RDX: variants seen among roughly 807,000 people sequenced by gnomAD.
RDX encodes the protein deafness, autosomal recessive 24.
A neutral mutation model predicts 83.7 loss-of-function variants in RDX; 32 were observed. The ratio of observed to expected loss-of-function variants is 0.38; its 90% CI spans 0.29 to 0.51. The LOEUF is 0.51. Among genes scored for constraint, RDX ranks in the 20% least tolerant of loss-of-function variants. RDX has a pLI of 0.87. For synonymous variants in RDX, 229 were observed against 222.7 expected (o/e 1.03, Z -0.25); for missense variants, 600 against 689.9 (o/e 0.87, Z 1.46).
chr11:110,177,967 G>A (rs544653060), intron 15 of RDX, among the ~76,000 whole-genome samples: 1 of 152,050 alleles, frequency 6.6e-6, no homozygotes, highest in East Asian at 1.9e-4. Context: ...CTGCCTCTCT[G>A]ATCAGGCCAG....
chr11:110,202,595 CTTTT>C (rs58793509), intron 14 of RDX, among the ~76,000 whole-genome samples: 8 of 121,276 alleles, frequency 6.6e-5, no homozygotes, highest in Non-Finnish European at 8.9e-5. Context: ...ATTTTTCTTT[CTTTT>C]TTTTTTTTTT....
chr11:110,226,655 AAAAG>A (rs1346694258), downstream of RDX, among the ~76,000 whole-genome samples: 12 of 152,220 alleles, frequency 7.9e-5, no homozygotes, highest in Admixed American at 6.5e-4. Context: ...CCATGATAAA[AAAAG>A]ATTCAACTGT....
Position 110,222,778 on chromosome 11 carries a change from C to T in RDX, c.1748+9095G>A, listed in dbSNP as rs986649748. Among the ~76,000 whole-genome samples, 9 of 151,896 alleles carry T rather than the reference C, an allele frequency of 5.9e-5. No individual in the cohort carries two copies. In the East Asian group the frequency reaches 1.4e-3, roughly 23 times the overall value. The stretch of plus-strand genomic sequence containing the variant: ...TCCACTGCACTCCATCCAGCCTGGG[C>T]GACAGAGCCAGACTCCCAACTCAAA... On this transcript the variant is annotated intron_variant, in intron 14 of 15. Transcript: ENST00000528498.
chr11:110,262,166 T>A (rs1260926775), intron 5 of RDX, among the ~76,000 whole-genome samples: 1 of 152,192 alleles, frequency 6.6e-6, no homozygotes, highest in African/African-American at 2.4e-5. Flanking sequence ...AAAACCAGAA[T>A]ATAAACAGAC....
intron 3 of RDX, among the ~76,000 whole-genome samples, chr11:110,267,550 A>G (rs1860102286): frequency 6.6e-6 from 1 of 151,628 alleles, no homozygotes; most frequent in African/African-American, 2.4e-5. Flanking sequence ...ACACACACAC[A>G]CACACACACA....
At chr11:110,207,646 G>A (rs547087234) in intron 14 of RDX, among the ~76,000 whole-genome samples, 14 of 152,010 alleles carry the variant, frequency 9.2e-5, no homozygotes, top group Middle Eastern at 3.4e-3. Flanking sequence ...ATCAGAGGAA[G>A]AATATTTTGT....
At chr11:110,246,749 C>CA (rs58535261) in intron 10 of RDX, among the ~76,000 whole-genome samples, 137,532 of 139,958 alleles carry the variant, frequency 0.98, 67,592 homozygotes, top group South Asian at 0.99. Context: ...GACTGTGTCT[C>CA]AAAAAAAAAA....
chr11:110,200,300 T>C (rs1044308251), intron 14 of RDX: 1 of 152,720 alleles, frequency 6.5e-6, no homozygotes, highest in Non-Finnish European at 1.5e-5. Context: ...CACGTTGGCA[T>C]TGCCGGAATT....
chr11:110,199,369 A>AT (rs1863316144), intron 15 of RDX, among the ~76,000 whole-genome samples: 1 of 152,218 alleles, frequency 6.6e-6, no homozygotes, highest in Non-Finnish European at 1.5e-5. Context: ...CAAGAGATGC[A>AT]AACTATTGGG....
chr11:110,256,481 T>C (rs568151402), intron 7 of RDX, among the ~76,000 whole-genome samples: 2 of 152,264 alleles, frequency 1.3e-5, no homozygotes, highest in East Asian at 3.9e-4. Context: ...CCTCATATAA[T>C]TCTCATAACA....
At chr11:110,255,233 G>A (rs1273811278) in intron 8 of RDX, 56 bp downstream of exon 8, 2 of 910,314 alleles carry the variant, frequency 2.2e-6, no homozygotes, top group African/African-American at 3.3e-5. Flanking sequence ...GTGATATCAT[G>A]GGAAACTAGC....
At position 110,264,164 on chromosome 11, in the gene RDX, T is replaced by C. The variant is rs1859926359; in HGVS notation, c.263A>G (p.Asp88Gly). The C allele has an allele frequency of 3.1e-6, 5 of 1,611,702 alleles. No individual in the cohort carries two copies. The highest frequency in any genetic ancestry group is 1.1e-5 in the South Asian group (1 of 91,016). Residue 88 changes from aspartate to glycine, a missense_variant, in exon 5 of 14, where the codon GAT becomes GGT. Physicochemically the swap from Asp to Gly is moderately conservative, Grantham distance 94 (BLOSUM62 -1). Coordinates refer to ENST00000645495, the MANE Select transcript of RDX (RefSeq NM_002906.4). ...TTCTTGAATTAATTCCTCAGAAACA[T>C]CTTCAGGAAAGAATTTAGCTCTAAA... ...FKFRAKFFPE[D>G]VSEELIQEIT...
At chr11:110,179,878 C>G in intron 15 of RDX, 1 of 418,874 alleles carries the variant, frequency 2.4e-6, no homozygotes, top group Non-Finnish European at 4.6e-6. Flanking sequence ...GGACTTTGTT[C>G]TTTTTCTTTT....
intron 1 of RDX, among the ~76,000 whole-genome samples, chr11:110,296,188 G>A (rs1861449909): frequency 6.6e-6 from 1 of 152,172 alleles, no homozygotes; most frequent in Admixed American, 6.5e-5. Context: ...TCCCGCGGCG[G>A]CGAAGGTCGA....
intron 10 of RDX, among the ~76,000 whole-genome samples, chr11:110,246,130 T>A (rs1859096762): frequency 6.6e-6 from 1 of 152,128 alleles, no homozygotes; most frequent in African/African-American, 2.4e-5. Flanking sequence ...TCCTGAATTT[T>A]AGCAATCCTC....
intron 1 of RDX, 46 bp downstream of exon 1, chr11:110,296,421 G>A (rs989688706): frequency 1.3e-5 from 2 of 151,612 alleles, no homozygotes; most frequent in African/African-American, 4.8e-5. Flanking sequence ...CGTCTCCGGA[G>A]GAACCGGGAG....
chr11:110,201,180 A>G, intron 14 of RDX, among the ~76,000 whole-genome samples: 1 of 141,746 alleles, frequency 7.1e-6, no homozygotes. Flanking sequence ...CCCGTCTCAA[A>G]AAAAAAAAAA....
At chr11:110,294,529 A>C (rs1311567363) in intron 1 of RDX, among the ~76,000 whole-genome samples, 5 of 152,128 alleles carry the variant, frequency 3.3e-5, no homozygotes, top group African/African-American at 1.2e-4. Flanking sequence ...CTTGAGTAAA[A>C]ATTTATCGAC....
chr11:110,286,331 A>G (rs866299585), intron 1 of RDX, among the ~76,000 whole-genome samples: 13 of 152,242 alleles, frequency 8.5e-5, no homozygotes, highest in African/African-American at 3.1e-4. Flanking sequence ...ACTCATATGA[A>G]TATGTACTCA....
Sources: gnomAD v4.1 joint callset for allele counts (sites outside exome capture counted in the v4.1 genomes callset) on GRCh38, gnomAD v4.1.1 for gene constraint, MANE v1.5 for transcripts, NCBI Gene and HGNC (gene_info 2026-07-23, HGNC 2026-07-21) for gene names.